Variants in SASH1 observed in about 807,000 individuals in gnomAD.
The protein encoded by SASH1 is SAM and SH3 domain-containing protein 1.
SASH1 carries 44 observed loss-of-function variants against 125.2 expected under a neutral mutation model. That is an observed-to-expected ratio of 0.35 (90% CI 0.28 to 0.45). The LOEUF is 0.45. Ranked by LOEUF, SASH1 falls within the 20% of genes least tolerant of loss-of-function variation. SASH1 has a pLI of 1.00. For synonymous variants in SASH1, 639 were observed against 649.1 expected (o/e 0.98, Z 0.24); for missense variants, 1,426 against 1,614.5 (o/e 0.88, Z 2.00).
chr6:148,346,747 A>G (rs1391700797), intron 1 of SASH1, among the ~76,000 whole-genome samples: 1 of 152,228 alleles, frequency 6.6e-6, no homozygotes, highest in African/African-American at 2.4e-5. Flanking sequence ...CTGAAACTGC[A>G]TTTTGGGCAG....
the SASH1 span, among the ~76,000 whole-genome samples, chr6:148,229,532 C>T: frequency 1.3e-4 from 19 of 151,900 alleles, no homozygotes; most frequent in Admixed American, 1.1e-3. Context: ...AAATACTAAA[C>T]GTATAACACC....
At chr6:148,244,808 A>G in the SASH1 span, among the ~76,000 whole-genome samples, 1 of 152,196 alleles carries the variant, frequency 6.6e-6, no homozygotes, top group South Asian at 2.1e-4. Flanking sequence ...CACCTGACAG[A>G]GTGGATTCTT....
At chr6:148,314,724 G>T (rs1186571020) in intron 1 of SASH1, among the ~76,000 whole-genome samples, 1 of 151,324 alleles carries the variant, frequency 6.6e-6, no homozygotes, top group Non-Finnish European at 1.5e-5. Flanking sequence ...AATTCCTTTT[G>T]CTCCCCTAAG....
At chr6:148,540,308 CTCA>C (rs1202830639) in intron 16 of SASH1, 132 bp from the exon 17 acceptor site, 2 of 646,376 alleles carry the variant, frequency 3.1e-6, no homozygotes, top group African/African-American at 1.8e-5. Context: ...TCATTTTGAT[CTCA>C]TCTATTTTAA....
chr6:148,326,313 C>A (rs1165516314), intron 1 of SASH1, among the ~76,000 whole-genome samples: 2 of 43,844 alleles, frequency 4.6e-5, no homozygotes, highest in East Asian at 6.2e-4. Context: ...CAGGAGTGAG[C>A]CACCGCATGC....
intron 10 of SASH1, among the ~76,000 whole-genome samples, chr6:148,521,865 T>C (rs1432456922): frequency 1.3e-5 from 2 of 152,240 alleles, no homozygotes; most frequent in Non-Finnish European, 2.9e-5. Flanking sequence ...AATTGATGAC[T>C]CACCTCTGTG....
intron 4 of SASH1, among the ~76,000 whole-genome samples, chr6:148,447,795 G>A (rs1776872458): frequency 6.6e-6 from 1 of 150,960 alleles, no homozygotes; most frequent in Non-Finnish European, 1.5e-5. Context: ...CACCTACCTG[G>A]CCACCTTAGC....
intron 4 of SASH1, among the ~76,000 whole-genome samples, chr6:148,449,078 C>CTTTCTTTTTT (rs1776952205): frequency 1.1e-5 from 1 of 88,736 alleles, no homozygotes; most frequent in African/African-American, 4.3e-5. Flanking sequence ...CATTTCATTT[C>CTTTCTTTTTT]TTTTTTTTTT....
chr6:148,341,318 TTTTTTTTTTTTG>T (rs1364215504), upstream of SASH1, among the ~76,000 whole-genome samples: 852 of 131,010 alleles, frequency 6.5e-3, 7 homozygotes, highest in African/African-American at 0.027. Context: ...CTATGTTTTG[TTTTTTTTTTTTG>T]TTTTTTTTTT....
the SASH1 span, among the ~76,000 whole-genome samples, chr6:148,196,889 G>C: frequency 4.4e-5 from 6 of 137,718 alleles, no homozygotes. Flanking sequence ...AAAGGAGAGG[G>C]ATAGGCATCC....
intron 2 of SASH1, among the ~76,000 whole-genome samples, chr6:148,397,659 AGG>A (rs1442247140): frequency 2.6e-5 from 4 of 152,286 alleles, no homozygotes; most frequent in South Asian, 2.1e-4. Flanking sequence ...GCCTGGTTTG[AGG>A]GCAGGGATTT....
the SASH1 span, among the ~76,000 whole-genome samples, chr6:148,264,245 A>G: frequency 6.6e-6 from 1 of 152,010 alleles, no homozygotes; most frequent in Non-Finnish European, 1.5e-5. Flanking sequence ...TTAAAGCTCA[A>G]TGGTCTATAT....
At chr6:148,231,706 T>G in the SASH1 span, among the ~76,000 whole-genome samples, 1 of 152,196 alleles carries the variant, frequency 6.6e-6, no homozygotes, top group South Asian at 2.1e-4. Context: ...AAGGTGAACA[T>G]AAGCTCAGTA....
intron 8 of SASH1, among the ~76,000 whole-genome samples, chr6:148,504,700 A>G (rs1029248345): frequency 1.7e-4 from 16 of 93,786 alleles, no homozygotes; most frequent in African/African-American, 2.6e-4. Flanking sequence ...TGATCGCACC[A>G]GTATTTATGG....
chr6:148,483,082 C>A (rs1025514988), intron 7 of SASH1, among the ~76,000 whole-genome samples: 1 of 152,062 alleles, frequency 6.6e-6, no homozygotes, highest in African/African-American at 2.4e-5. Context: ...TTTAGTGTTG[C>A]TATAAAGGAA....
chr6:148,210,357 C>A, the SASH1 span, among the ~76,000 whole-genome samples: 1 of 152,094 alleles, frequency 6.6e-6, no homozygotes, highest in Admixed American at 6.5e-5. Context: ...ATGGGGAAAC[C>A]CTGTCTCTAC....
chr6:148,379,277 G>C (rs1783036634), intron 1 of SASH1, among the ~76,000 whole-genome samples: 1 of 151,962 alleles, frequency 6.6e-6, no homozygotes, highest in African/African-American at 2.4e-5. Context: ...AGTCACCCAG[G>C]GTAGCTTTAC....
the SASH1 span, among the ~76,000 whole-genome samples, chr6:148,232,304 A>G: frequency 1.3e-5 from 2 of 152,196 alleles, no homozygotes; most frequent in African/African-American, 2.4e-5. Context: ...GGCAATAGGT[A>G]AAACAGGTTT....
intron 2 of SASH1, among the ~76,000 whole-genome samples, chr6:148,423,746 T>C (rs180963710): frequency 2.0e-5 from 3 of 152,324 alleles, no homozygotes; most frequent in Admixed American, 6.5e-5. Flanking sequence ...GCACGTCAAC[T>C]GAGTACAAAC....
Sources: allele counts gnomAD v4.1 joint callset (sites outside exome capture counted in the v4.1 genomes callset), GRCh38; gene constraint gnomAD v4.1.1; transcripts MANE v1.5; gene names NCBI Gene and HGNC (gene_info 2026-07-23, HGNC 2026-07-21).